GZF1: variants seen among roughly 807,000 people sequenced by gnomAD.
The protein encoded by GZF1 is GDNF-inducible zinc finger protein 1.
In GZF1, 28 loss-of-function variants were observed where a neutral mutation model predicts 49.4. The observed-to-expected ratio is 0.57, with a 90% CI of 0.42 to 0.78. The LOEUF is 0.78. Ranked by LOEUF, GZF1 falls within the 30% of genes least tolerant of loss-of-function variation. The pLI, the probability that GZF1 is intolerant of heterozygous loss-of-function variation, is 0.00. For synonymous variants in GZF1, 364 were observed against 356.0 expected (o/e 1.02, Z -0.25); for missense variants, 798 against 916.2 (o/e 0.87, Z 1.67).
chr20:23,362,634 G>A (rs1980811659), intron 1 of GZF1: 1 of 152,220 alleles, frequency 6.6e-6, no homozygotes, highest in African/African-American at 2.4e-5. Flanking sequence ...CTCCTGGAAG[G>A]GCTCTGGCCC....
chr20:23,366,973 TAA>T (rs764968604), intron 2 of GZF1, 28 bp from the exon 3 acceptor site: 2 of 1,460,558 alleles, frequency 1.4e-6, no homozygotes, highest in African/African-American at 2.8e-5. Flanking sequence ...AAATACATCC[TAA>T]GTTATCATCT....
upstream of GZF1, among the ~76,000 whole-genome samples, chr20:23,361,814 G>A (rs140197115): frequency 5.7e-3 from 863 of 152,346 alleles, 5 homozygotes; most frequent in African/African-American, 0.02. Flanking sequence ...GGAAGCGCTG[G>A]CGCCTTGCGG....
rs1455341170 is a variant in GZF1, at chr20:23,371,143, T to C, written c.*702T>C. The C allele has an allele frequency of 6.6e-6, 1 of 152,660 alleles. No individual in the cohort carries two copies. The highest frequency in any genetic ancestry group is 1.5e-5 in the Non-Finnish European group (1 of 68,058). 9.5% of individuals were successfully genotyped at this position (152,660 alleles called of 1,614,324 possible). Reference sequence around the variant, plus strand: ...TCATAAAATCAACTTAGAAATGAGATGAGGCTGTTCAGTTTGTCTTAAAAA... The same window carrying C: ...TCATAAAATCAACTTAGAAATGAGACGAGGCTGTTCAGTTTGTCTTAAAAA... On this transcript the variant is annotated 3_prime_UTR_variant, in exon 6 of 6. Coordinates refer to ENST00000338121, the MANE Select transcript of GZF1 (RefSeq NM_022482.5).
chr20:23,367,369 A>T (rs1442466810), intron 3 of GZF1, among the ~76,000 whole-genome samples: 3 of 152,032 alleles, frequency 2.0e-5, no homozygotes, highest in Admixed American at 1.3e-4. Context: ...TGTAACCGAA[A>T]TTTTTTTTTC....
chr20:23,366,906 T>C (rs886854546), intron 2 of GZF1, 97 bp from the exon 3 acceptor site: 22 of 809,404 alleles, frequency 2.7e-5, no homozygotes, highest in Admixed American at 2.7e-4. Context: ...ATTAGGTCTC[T>C]TGGAGTAAAC....
chr20:23,361,924 A>G (rs1307684945), upstream of GZF1, among the ~76,000 whole-genome samples: 2 of 152,308 alleles, frequency 1.3e-5, no homozygotes, highest in African/African-American at 2.4e-5. Flanking sequence ...CGCAGCGCAG[A>G]CGTCGCTGTC....
intron 1 of GZF1, among the ~76,000 whole-genome samples, 161 bp from the exon 2 acceptor site, chr20:23,364,202 T>C (rs759092013): frequency 1.4e-4 from 22 of 152,388 alleles, no homozygotes; most frequent in Non-Finnish European, 2.1e-4. Context: ...AACCTCACTT[T>C]AGAAAACTGC....
intron 3 of GZF1, 56 bp from the exon 4 acceptor site, chr20:23,368,706 T>G: frequency 7.0e-7 from 1 of 1,434,822 alleles, no homozygotes; most frequent in Non-Finnish European, 9.5e-7. Context: ...GACCTACTGT[T>G]CCATGTGTTT....
intron 2 of GZF1, 39 bp downstream of exon 2, chr20:23,365,786 G>T (rs1336965159): frequency 1.4e-6 from 2 of 1,474,686 alleles, no homozygotes; most frequent in South Asian, 2.7e-5. Flanking sequence ...CTGCGCACTG[G>T]AAGGGTGTGT....
chr20:23,366,659 T>G (rs577928490), intron 2 of GZF1, among the ~76,000 whole-genome samples: 116 of 152,340 alleles, frequency 7.6e-4, no homozygotes, highest in Non-Finnish European at 7.1e-4. Context: ...TTATTCTGTA[T>G]GAGACAGCTT....
chr20:23,366,840 C>CA lies in GZF1; in HGVS notation c.1365-162dup, dbSNP rs556263413. Among the ~76,000 whole-genome samples the CA allele has an allele frequency of 4.3e-4, 66 of 152,192 alleles. No individual in the cohort carries two copies. In the East Asian group the frequency reaches 0.012, roughly 29 times the overall value. On this transcript the variant is annotated intron_variant, in intron 2 of 5. Coordinates refer to ENST00000338121, the MANE Select transcript of GZF1 (RefSeq NM_022482.5). ...GATCCATTGACCTTGTGCAGAAACT[C>CA]AGTTTATTTTGGGATGGAGATTATG...
chr20:23,361,902 C>A (rs75377165), upstream of GZF1, among the ~76,000 whole-genome samples: 9 of 152,328 alleles, frequency 5.9e-5, no homozygotes, highest in East Asian at 1.7e-3. Flanking sequence ...GCCCCGCCCC[C>A]CTGTGGCGTG....
chr20:23,364,623 T>C lies in GZF1; in HGVS notation c.240T>C (p.Asn80=), dbSNP rs1432527860. 2 of 1,614,138 alleles carry C rather than the reference T, an allele frequency of 1.2e-6. No individual in the cohort carries two copies. Among genetic ancestry groups the C allele is most frequent in the African/African-American group, 1.3e-5 (1 of 74,946 alleles). ...GTACTAGGACTAATGTCTACTTAAA[T>C]GAAGTGCAGGTTGCTGACTTTGCTT... ...VDGTRTNVYL[N]EVQVADFASF... Residue 80 remains asparagine, a synonymous_variant, in exon 2 of 6, where the codon AAT becomes AAC. Coordinates refer to ENST00000338121, the MANE Select transcript of GZF1 (RefSeq NM_022482.5).
At position 23,365,472 on chromosome 20, in the gene GZF1, G is replaced by T; in HGVS notation, c.1089G>T (p.Leu363=). 6.2e-7 allele frequency: 1 copy of T among 1,613,848 alleles called. No individual in the cohort carries two copies. The highest frequency in any genetic ancestry group is 8.5e-7 in the Non-Finnish European group (1 of 1,180,024). The part of the protein sequence containing the change: ...CGQTFANRCN[L]KSHQRHVHSS... The stretch of plus-strand genomic sequence containing the variant: ...AGACCTTCGCCAACCGCTGCAACCT[G>T]AAGAGCCACCAGCGCCACGTGCACA... Residue 363 remains leucine, a synonymous_variant, in exon 2 of 6, where the codon CTG becomes CTT. Transcript: ENST00000338121.
chr20:23,365,097 G>T lies in GZF1; in HGVS notation c.714G>T (p.Lys238Asn). The part of the protein sequence containing the change: ...GRKVFVEIPK[K>N]KYTRRLREQQ... ...AGGTCTTTGTGGAGATCCCTAAAAA[G>T]AAATATACGAGAAGACTCCGAGAGC... Residue 238 changes from lysine to asparagine, a missense_variant, in exon 2 of 6, where the codon AAG becomes AAT. Lys to Asn is a moderately conservative substitution (Grantham distance 94, BLOSUM62 0). Transcript: ENST00000338121. 1 of 1,614,008 alleles carries T rather than the reference G, an allele frequency of 6.2e-7. No homozygotes were observed. The highest frequency in any genetic ancestry group is 8.5e-7 in the Non-Finnish European group (1 of 1,180,032).
At chr20:23,361,147 G>T (rs895770928), upstream of GZF1, among the ~76,000 whole-genome samples, 4 of 152,206 alleles carry the variant, frequency 2.6e-5, no homozygotes, top group Admixed American at 6.5e-5. Context: ...TTTTAAATTT[G>T]TATTTGTCCT....
Position 23,364,774 on chromosome 20 carries a change from CAG to C in GZF1, c.393_394del (p.Gln131HisfsTer27), listed in dbSNP as rs1204015513. Reference protein sequence around the residue: ...LSETCFQLKKQMLESVLLELQ... With the variant: ...LSETCFQLKKXMLESVLLELQ... ...AGAAACTTGTTTTCAATTAAAGAAA[CAG>C]ATGTTAGAGTCAGTACTTTTGGAGT... is the stretch of plus-strand genomic sequence containing the variant. On this transcript the variant is annotated frameshift_variant, in exon 2 of 6. Coordinates refer to ENST00000338121, the MANE Select transcript of GZF1 (RefSeq NM_022482.5). LOFTEE classifies it high-confidence loss of function. 1.9e-6 allele frequency: 3 copies of C among 1,614,258 alleles called. No homozygotes were observed. The highest frequency in any genetic ancestry group is 1.7e-6 in the Non-Finnish European group (2 of 1,180,052).
rs1982018848 is a variant in GZF1 at position 23,370,956 on chromosome 20, CAG to C, written c.*517_*518del. 1 of 154,824 alleles carries C rather than the reference CAG, an allele frequency of 6.5e-6. No individual in the cohort carries two copies. The highest frequency in any genetic ancestry group is 1.4e-5 in the Non-Finnish European group (1 of 69,734). The allele number at this position is 154,824 out of a possible 1,614,324, so 9.6% of individuals were successfully genotyped here. ...TCTTCCCTGTTGAATTGAAGCAAAT[CAG>C]ATTTTCTGTGGGGACCCTCAAATGC... On this transcript the variant is annotated 3_prime_UTR_variant, in exon 6 of 6. Transcript: ENST00000338121.
chr20:23,361,433 TC>T (rs1980645469), upstream of GZF1, among the ~76,000 whole-genome samples: 1 of 152,162 alleles, frequency 6.6e-6, no homozygotes, highest in African/African-American at 2.4e-5. Flanking sequence ...AGTGGATGGG[TC>T]TCTGGGGAAG....
Sources: gnomAD v4.1 joint callset for allele counts (sites outside exome capture counted in the v4.1 genomes callset) on GRCh38, gnomAD v4.1.1 for gene constraint, MANE v1.5 for transcripts, NCBI Gene and HGNC (gene_info 2026-07-23, HGNC 2026-07-21) for gene names.